MAGI2: variants seen among roughly 807,000 people sequenced by gnomAD.
MAGI2 encodes the protein membrane-associated guanylate kinase, WW and PDZ domain-containing protein 2.
MAGI2 carries 35 observed loss-of-function variants against 133.3 expected under a neutral mutation model. The observed-to-expected ratio is 0.26, with a 90% CI of 0.20 to 0.35. The LOEUF is 0.35. MAGI2 is among the 10% of genes least tolerant of loss of function. The pLI, the probability that MAGI2 is intolerant of heterozygous loss-of-function variation, is 1.00. For synonymous variants in MAGI2, 729 were observed against 710.6 expected, an observed-to-expected ratio of 1.03 and a Z score of -0.41; for missense variants, 1,636 against 1,863.4, an observed-to-expected ratio of 0.88 and a Z score of 2.25.
intron 2 of MAGI2, among the ~76,000 whole-genome samples, chr7:78,647,154 A>T (rs1810981722): frequency 1.3e-5 from 2 of 152,242 alleles, no homozygotes. Flanking sequence ...AATGGTGTCT[A>T]ATTAAACTAA....
intron 1 of MAGI2, among the ~76,000 whole-genome samples, chr7:79,212,515 C>T (rs762576437): frequency 6.6e-6 from 1 of 151,952 alleles, no homozygotes; most frequent in Non-Finnish European, 1.5e-5. Flanking sequence ...CAGGGTAGTA[C>T]AAAACTTTCC....
intron 2 of MAGI2, among the ~76,000 whole-genome samples, chr7:78,635,220 T>C (rs548964994): frequency 6.6e-6 from 1 of 152,338 alleles, no homozygotes. Context: ...TTTGCTACCA[T>C]GGCAACTGGG....
At chr7:79,147,869 G>T (rs1234189417) in intron 1 of MAGI2, among the ~76,000 whole-genome samples, 1 of 152,164 alleles carries the variant, frequency 6.6e-6, no homozygotes, top group African/African-American at 2.4e-5. Context: ...CTCCGGCCAG[G>T]TATGTCCAGC....
At chr7:78,177,894 CT>C (rs1826815139) in intron 14 of MAGI2, 116 bp downstream of exon 14, 2 of 682,828 alleles carry the variant, frequency 2.9e-6, no homozygotes, top group Non-Finnish European at 4.9e-6. Context: ...AAAGCTTAAA[CT>C]TCTTTATGAG....
chr7:79,111,706 G>T (rs773481928), intron 1 of MAGI2, among the ~76,000 whole-genome samples: 1 of 151,876 alleles, frequency 6.6e-6, no homozygotes, highest in Non-Finnish European at 1.5e-5. Flanking sequence ...TCACTCTGTC[G>T]CCCAGGCTGG....
chr7:78,797,325 T>G (rs1017775796), intron 2 of MAGI2, among the ~76,000 whole-genome samples: 7 of 152,084 alleles, frequency 4.6e-5, no homozygotes, highest in African/African-American at 1.7e-4. Flanking sequence ...AAAAGCAACC[T>G]ATCCTAGACA....
rs1818975344 is a variant in MAGI2 at position 78,108,717 on chromosome 7, TATGTGTGTGTATACACAC to T, written c.3567+16959_3567+16976del. Among the ~76,000 whole-genome samples, 4 of 117,242 alleles carry T rather than the reference TATGTGTGTGTATACACAC, an allele frequency of 3.4e-5. No homozygotes were observed. The South Asian group carries it at 1.2e-3, about 36-fold the overall frequency. 76.9% of individuals were successfully genotyped at this position (117,242 alleles called of 152,430 possible). A position where few individuals can be genotyped will look rare whatever the true frequency, so the allele number is the denominator to read the frequency against. On this transcript the variant is annotated intron_variant, in intron 20 of 21. Coordinates refer to ENST00000354212, the MANE Select transcript of MAGI2 (RefSeq NM_012301.4). Reference sequence around the variant, plus strand: ...ATACACACACATATGTGAGTGTATATATGTGTGTGTATACACACACATATGTGAGTGTATATACGTGAG... The same window carrying T: ...ATACACACACATATGTGAGTGTATATACATATGTGAGTGTATATACGTGAG...
intron 3 of MAGI2, among the ~76,000 whole-genome samples, chr7:78,530,350 A>G (rs951193213): frequency 6.6e-6 from 1 of 152,172 alleles, no homozygotes; most frequent in African/African-American, 2.4e-5. Flanking sequence ...CTTCCTACTC[A>G]TCCATTTTTA....
rs1254382761 is a variant in MAGI2, at chr7:78,018,230, C to T, written c.*1085G>A. ...CAGAAAGGAATGCTAAAAAGACTCA[C>T]GTTCTTTAATGAAAATAAATTGATT... is the stretch of plus-strand genomic sequence containing the variant. On this transcript the variant is annotated 3_prime_UTR_variant, in exon 22 of 22. Transcript: ENST00000354212. 1 of 152,522 alleles carries T rather than the reference C, an allele frequency of 6.6e-6. No individual in the cohort carries two copies. The highest frequency in any genetic ancestry group is 1.9e-4 in the East Asian group (1 of 5,194). 9.4% of individuals were successfully genotyped at this position (152,522 alleles called of 1,614,324 possible).
At chr7:78,584,421 G>GAAAAAAAAAAAAA (rs57844382) in intron 3 of MAGI2, among the ~76,000 whole-genome samples, 3 of 83,962 alleles carry the variant, frequency 3.6e-5, no homozygotes, top group African/African-American at 8.6e-5. Context: ...CTCCGTCTCA[G>GAAAAAAAAAAAAA]AAAAAAAAAA....
intron 9 of MAGI2, among the ~76,000 whole-genome samples, chr7:78,271,788 C>T (rs185721047): frequency 5.1e-4 from 78 of 152,144 alleles, no homozygotes; most frequent in African/African-American, 1.4e-3. Context: ...TCTGTGGGAT[C>T]GGTGGTGATA....
chr7:78,674,886 A>G (rs963324850), intron 2 of MAGI2, among the ~76,000 whole-genome samples: 1 of 152,166 alleles, frequency 6.6e-6, no homozygotes, highest in Non-Finnish European at 1.5e-5. Flanking sequence ...AGTATGGAGG[A>G]AAAAAGTGAT....
intron 9 of MAGI2, among the ~76,000 whole-genome samples, chr7:78,340,165 T>C (rs992555364): frequency 3.9e-5 from 6 of 152,184 alleles, no homozygotes; most frequent in Admixed American, 1.3e-4. Flanking sequence ...TTTATAAAGT[T>C]GATATCATGA....
chr7:78,682,929 TTAAA>T (rs1317376765), intron 2 of MAGI2, among the ~76,000 whole-genome samples: 3 of 152,200 alleles, frequency 2.0e-5, no homozygotes, highest in African/African-American at 4.8e-5. Flanking sequence ...TTATTGTGTG[TTAAA>T]TATTCTTTTC....
intron 6 of MAGI2, among the ~76,000 whole-genome samples, chr7:78,376,780 G>T (rs1181515097): frequency 2.0e-5 from 3 of 152,138 alleles, no homozygotes; most frequent in Non-Finnish European, 4.4e-5. Flanking sequence ...ATGGTGACAA[G>T]AAGCGGTGGC....
At position 78,307,612 on chromosome 7, in the gene MAGI2, G is replaced by C. The variant is rs568526555; in HGVS notation, c.1408+36166C>G. On this transcript the variant is annotated intron_variant, in intron 9 of 21. Coordinates refer to ENST00000354212, the MANE Select transcript of MAGI2 (RefSeq NM_012301.4). The stretch of plus-strand genomic sequence containing the variant: ...ATATTGCCCCAGATGAGGTCAGGAA[G>C]GTAACAGAGCAAGTTTAGGCAGCAA... Among the ~76,000 whole-genome samples the C allele has an allele frequency of 4.6e-5, 7 of 152,254 alleles. No individual in the cohort carries two copies. In the South Asian group the frequency reaches 1.4e-3, roughly 32 times the overall value.
chr7:78,182,650 A>G (rs778271028), intron 13 of MAGI2, among the ~76,000 whole-genome samples: 9 of 152,188 alleles, frequency 5.9e-5, no homozygotes, highest in Non-Finnish European at 1.0e-4. Context: ...TAAGGTCACT[A>G]TGCATGCTAG....
intron 6 of MAGI2, among the ~76,000 whole-genome samples, chr7:78,375,639 A>C (rs554088909): frequency 4.7e-4 from 72 of 152,290 alleles, no homozygotes; most frequent in Middle Eastern, 3.4e-3. Flanking sequence ...TGACTGTACA[A>C]AAGAAAATAA....
At chr7:78,545,112 A>G (rs1261475230) in intron 3 of MAGI2, among the ~76,000 whole-genome samples, 1 of 151,980 alleles carries the variant, frequency 6.6e-6, no homozygotes, top group Non-Finnish European at 1.5e-5. Context: ...TTTGAGTCCA[A>G]TGTAGGTTTT....
Sources: allele counts gnomAD v4.1 joint callset (sites outside exome capture counted in the v4.1 genomes callset), GRCh38; gene constraint gnomAD v4.1.1; transcripts MANE v1.5; gene names NCBI Gene and HGNC (gene_info 2026-07-23, HGNC 2026-07-21).